The following PYGL variants were observed in gnomAD, a reference collection of about 807,000 sequenced individuals.
PYGL encodes the protein glycogen phosphorylase L, also known as glycogen phosphorylase, liver form.
A neutral mutation model predicts 100.1 loss-of-function variants in PYGL; 90 were observed. That is an observed-to-expected ratio of 0.90 (90% CI 0.76 to 1.07). The LOEUF (loss-of-function observed/expected upper bound fraction) is 1.07. Ranked by LOEUF, PYGL falls within the 50% of genes least tolerant of loss-of-function variation. The probability of loss-of-function intolerance (pLI) is 0.00; values close to 1 mark genes in which losing one functional copy is unlikely to be tolerated. For synonymous variants in PYGL, 373 were observed against 393.0 expected (o/e 0.95, Z 0.60); for missense variants, 1,016 against 1,057.6 (o/e 0.96, Z 0.55).
chr14:50,915,197 G>T, intron 11 of PYGL, 139 bp downstream of exon 11: 10 of 1,024,456 alleles, frequency 9.8e-6, no homozygotes, highest in Admixed American at 2.3e-5. Context: ...TTTTAGGCAA[G>T]AGTTTTTTGT....
chr14:50,905,338 T>C lies in PYGL; in HGVS notation c.*54A>G, dbSNP rs2050319956. ...ACAAAACAAAAACCAGTGAATGTTG[T>C]AAAAATGTTCAAGTTCAGTAAGAAG... On this transcript the variant is annotated 3_prime_UTR_variant, in exon 20 of 20. Transcript: ENST00000216392. 1 of 1,542,630 alleles carries C rather than the reference T, an allele frequency of 6.5e-7. No individual in the cohort carries two copies. Among genetic ancestry groups the C allele is most frequent in the Admixed American group, 1.7e-5 (1 of 59,484 alleles).
At chr14:50,942,244 C>T (rs1433067662) in intron 1 of PYGL, among the ~76,000 whole-genome samples, 1 of 94,924 alleles carries the variant, frequency 1.1e-5, no homozygotes, top group Non-Finnish European at 2.5e-5. Context: ...AATTTACACA[C>T]GTCGGAATTC....
intron 8 of PYGL, 53 bp from the exon 9 acceptor site, chr14:50,916,787 T>C: frequency 6.4e-7 from 1 of 1,573,824 alleles, no homozygotes; most frequent in South Asian, 1.1e-5. Flanking sequence ...AGGGTCTGGC[T>C]TCTTTGTCCT....
At chr14:50,909,873 C>T in intron 17 of PYGL, 22 bp downstream of exon 17, 2 of 1,612,304 alleles carry the variant, frequency 1.2e-6, no homozygotes, top group Non-Finnish European at 1.7e-6. Flanking sequence ...TCCTGCCTAG[C>T]AAAGAGAAGC....
chr14:50,920,920 C>T, intron 6 of PYGL, 36 bp downstream of exon 6: 2 of 1,556,768 alleles, frequency 1.3e-6, no homozygotes, highest in Admixed American at 1.7e-5. Context: ...AGATTAAGCA[C>T]ACGCATAAAG....
intron 1 of PYGL, among the ~76,000 whole-genome samples, chr14:50,940,468 T>C (rs1237758550): frequency 6.6e-6 from 1 of 152,220 alleles, no homozygotes; most frequent in Non-Finnish European, 1.5e-5. Flanking sequence ...GATATGTGGT[T>C]GCTCAGAATA....
intron 4 of PYGL, among the ~76,000 whole-genome samples, chr14:50,926,746 A>T (rs926663323): frequency 5.3e-5 from 8 of 150,346 alleles, no homozygotes; most frequent in Non-Finnish European, 1.0e-4. Context: ...AAAAAAAAAA[A>T]AAAAAAAGAA....
rs1188687253 is a variant in PYGL at position 50,908,872 on chromosome 14, T to C, written c.2261A>G (p.Lys754Arg). ...GATATCTTTGAAGAGGTCAGGCTGCTTGGGAGAAAAAAAGCCATTGTCAAT... is the reference window on the plus strand; with the variant it reads ...GATATCTTTGAAGAGGTCAGGCTGCCTGGGAGAAAAAAAGCCATTGTCAAT... ...DQIDNGFFSP[K>R]QPDLFKDIIN... Residue 754 changes from lysine (K) to arginine (R), a missense_variant, in exon 18 of 20, where the codon AAG becomes AGG. Physicochemically the swap from Lys to Arg is conservative, Grantham distance 26. Coordinates refer to ENST00000216392, the MANE Select transcript of PYGL (RefSeq NM_002863.5). 1.3e-6 allele frequency: 2 copies of C among 1,576,694 alleles called. No homozygotes were observed. Among genetic ancestry groups the C allele is most frequent in the Non-Finnish European group, 8.7e-7 (1 of 1,146,048 alleles).
At chr14:50,932,026 C>T (rs1024128160) in intron 3 of PYGL, among the ~76,000 whole-genome samples, 1 of 152,120 alleles carries the variant, frequency 6.6e-6, no homozygotes, top group African/African-American at 2.4e-5. Flanking sequence ...CATCTATGAC[C>T]TCACCATCTA....
Position 50,914,731 on chromosome 14 carries a change from G to T in PYGL, c.1488C>A (p.Cys496Ter). Residue 496 changes from cysteine (C) to a stop codon, truncating the protein, a stop_gained, in exon 12 of 20, where the codon TGC becomes TGA. Coordinates refer to ENST00000216392, the MANE Select transcript of PYGL (RefSeq NM_002863.5). LOFTEE classifies it high-confidence loss of function. ...CTATGAGCTCTGCAAGTCCTGGGTT[G>T]CAGAGTAGGAGCCAGCGCCTTGGAG... ...GITPRRWLLL[C>*]NPGLAELIAE... is the part of the protein sequence containing the mutation. 3 of 1,613,856 alleles carry T rather than the reference G, an allele frequency of 1.9e-6. No individual in the cohort carries two copies. The South Asian group carries it at 3.3e-5, about 18-fold the overall frequency.
chr14:50,914,180 C>A (rs2142794585), intron 12 of PYGL, among the ~76,000 whole-genome samples: 1 of 152,236 alleles, frequency 6.6e-6, no homozygotes, highest in Non-Finnish European at 1.5e-5. Flanking sequence ...ATTTGCAGGA[C>A]CTTTTGTTCA....
intron 12 of PYGL, 30 bp from the exon 13 acceptor site, chr14:50,913,160 A>G (rs765307729): frequency 1.9e-5 from 30 of 1,599,218 alleles, no homozygotes; most frequent in Non-Finnish European, 2.5e-5. Context: ...GATGACTTCA[A>G]TTTGGGGATG....
At chr14:50,912,700 T>C (rs891235901) in intron 13 of PYGL, among the ~76,000 whole-genome samples, 3 of 152,176 alleles carry the variant, frequency 2.0e-5, no homozygotes, top group African/African-American at 7.2e-5. Flanking sequence ...ATGGCTGTAA[T>C]CTCAGCACTT....
chr14:50,919,032 AAAACAAAC>A (rs55801989), intron 7 of PYGL, among the ~76,000 whole-genome samples: 6 of 152,178 alleles, frequency 3.9e-5, no homozygotes, highest in African/African-American at 7.2e-5. Flanking sequence ...CTTACTCTTA[AAAACAAAC>A]AAACAAACAA....
intron 17 of PYGL, among the ~76,000 whole-genome samples, chr14:50,909,564 T>C (rs2050371289): frequency 6.6e-6 from 1 of 152,042 alleles, no homozygotes; most frequent in Non-Finnish European, 1.5e-5. Context: ...ATTTAAATTA[T>C]AGGCAACCCT....
intron 19 of PYGL, among the ~76,000 whole-genome samples, chr14:50,907,448 G>C (rs1313407762): frequency 6.6e-6 from 1 of 152,154 alleles, no homozygotes; most frequent in Non-Finnish European, 1.5e-5. Context: ...CCATTACTGG[G>C]AAAGAATCTC....
chr14:50,917,796 T>G (rs2050467505), intron 7 of PYGL, among the ~76,000 whole-genome samples: 2 of 152,230 alleles, frequency 1.3e-5, no homozygotes, highest in African/African-American at 4.8e-5. Context: ...CACATAGATT[T>G]GCTGTCGGTC....
At position 50,924,041 on chromosome 14, in the gene PYGL, T is replaced by C; in HGVS notation, c.588A>G (p.Glu196=). The C allele has an allele frequency of 6.2e-7, 1 of 1,613,750 alleles. No homozygotes were observed. The highest frequency in any genetic ancestry group is 1.3e-5 in the African/African-American group (1 of 75,034). The change falls in exon 5 of 20, where the codon GAA becomes GAG. Residue 196 remains glutamate, a synonymous_variant. Transcript: ENST00000216392. ...CATAGAAGTGCACAGGCAGCATGAA[T>C]TCTGGGCGGGACTTCTCCCAAGGGT... The part of the protein sequence containing the change: ...YGNPWEKSRP[E]FMLPVHFYGK...
chr14:50,933,759 C>CAT (rs1566512145), intron 3 of PYGL, among the ~76,000 whole-genome samples: 1 of 151,630 alleles, frequency 6.6e-6, no homozygotes, highest in Non-Finnish European at 1.5e-5. Flanking sequence ...TACACACACA[C>CAT]ATATATACAC....
Sources: gnomAD v4.1 joint callset for allele counts (sites outside exome capture counted in the v4.1 genomes callset) on GRCh38, gnomAD v4.1.1 for gene constraint, MANE v1.5 for transcripts, NCBI Gene and HGNC (gene_info 2026-07-23, HGNC 2026-07-21) for gene names.